The following SNAP29 variants were observed in gnomAD, a reference collection of about 807,000 sequenced individuals.
SNAP29 encodes synaptosomal-associated protein 29.
A neutral mutation model predicts 27.9 loss-of-function variants in SNAP29; 13 were observed. The observed-to-expected ratio is 0.47, with a 90% CI of 0.30 to 0.74. SNAP29 has a LOEUF of 0.74. Ranked by LOEUF, SNAP29 falls within the 30% of genes least tolerant of loss-of-function variation. The pLI, the probability that SNAP29 is intolerant of heterozygous loss-of-function variation, is 0.06. For missense variants in SNAP29, 368 were observed against 336.5 expected (o/e 1.09, Z -0.73); for synonymous variants, 119 against 127.1 (o/e 0.94, Z 0.43).
In SNAP29 at chr22:20,870,453, G is replaced by A. The variant is rs1432466086; in HGVS notation, c.354G>A (p.Gly118=). ...ATAGCATTAAGAGCGTGTTTGGGGGGCTGGTCAATTACTTCAAATCCAAAC... is the reference window on the plus strand; with the variant it reads ...ATAGCATTAAGAGCGTGTTTGGGGGACTGGTCAATTACTTCAAATCCAAAC... ...HINSIKSVFG[G]LVNYFKSKPV... The change falls in exon 2 of 5, where the codon GGG becomes GGA. Residue 118 remains glycine (G), a synonymous_variant. Transcript: ENST00000215730. 3 of 1,614,052 alleles carry A rather than the reference G, an allele frequency of 1.9e-6. No homozygotes were observed. Among genetic ancestry groups the A allele is most frequent in the Admixed American group, 3.3e-5 (2 of 60,000 alleles).
Position 20,888,422 on chromosome 22 carries a change from A to G in SNAP29, c.*586A>G, listed in dbSNP as rs1929076736. ...AAGGATCAGTGTTAGAATGGGAAAT[A>G]GAGTGTGCCATCTTGCTCTTTTGTT... is the stretch of plus-strand genomic sequence containing the variant. On this transcript the variant is annotated 3_prime_UTR_variant, in exon 5 of 5. Transcript: ENST00000215730. The G allele has an allele frequency of 1.2e-5, 2 of 172,476 alleles. No individual in the cohort carries two copies. Among genetic ancestry groups the G allele is most frequent in the Non-Finnish European group, 2.5e-5 (2 of 80,362 alleles). The allele number at this position is 172,476 out of a possible 1,614,324, so 10.7% of individuals were successfully genotyped here.
intron 2 of SNAP29, chr22:20,870,814 G>C (rs1928573132): frequency 2.6e-5 from 13 of 497,210 alleles, no homozygotes; most frequent in Non-Finnish European, 4.4e-5. Context: ...CTGTACAAAT[G>C]TGACTCACTT....
intron 2 of SNAP29, among the ~76,000 whole-genome samples, chr22:20,872,851 A>T (rs1471174612): frequency 3.4e-5 from 1 of 29,526 alleles, no homozygotes; most frequent in Non-Finnish European, 5.8e-5. Context: ...TTTTTTTGAG[A>T]CAGAGTCTCA....
chr22:20,876,653 C>T (rs962917662), intron 2 of SNAP29, among the ~76,000 whole-genome samples: 7 of 151,068 alleles, frequency 4.6e-5, no homozygotes, highest in Non-Finnish European at 8.8e-5. Flanking sequence ...CTGCAAGCTC[C>T]GTCTCCCACG....
chr22:20,890,261 G>T lies in SNAP29; in HGVS notation c.*2425G>T. 2.5e-6 allele frequency: 1 copy of T among 398,370 alleles called. No individual in the cohort carries two copies. The allele number at this position is 398,370 out of a possible 1,614,324, so 24.7% of individuals were successfully genotyped here. ...CCAGAAACTTTTCACATGATGATTGGGATCGACAAAAAAATGCTACCCTCT... is the reference window on the plus strand; with the variant it reads ...CCAGAAACTTTTCACATGATGATTGTGATCGACAAAAAAATGCTACCCTCT... On this transcript the variant is annotated 3_prime_UTR_variant, in exon 5 of 5. Transcript: ENST00000215730.
chr22:20,871,649 G>A (rs1173665590), intron 2 of SNAP29, among the ~76,000 whole-genome samples: 3 of 152,092 alleles, frequency 2.0e-5, no homozygotes, highest in African/African-American at 4.8e-5. Flanking sequence ...TGGGGAGGCC[G>A]AGGCGGGTGG....
intron 1 of SNAP29, among the ~76,000 whole-genome samples, chr22:20,862,852 C>T: frequency 6.6e-6 from 1 of 152,276 alleles, no homozygotes; most frequent in Admixed American, 6.5e-5. Flanking sequence ...CCACCACACC[C>T]AGTGTTCTCC....
chr22:20,887,616 A>G (rs1217355832), intron 4 of SNAP29, 63 bp from the exon 5 acceptor site: 19 of 1,583,670 alleles, frequency 1.2e-5, no homozygotes, highest in East Asian at 2.2e-5. Context: ...CACACCATCA[A>G]GAAGCATTTG....
chr22:20,868,683 G>A (rs1318460284), intron 1 of SNAP29, among the ~76,000 whole-genome samples: 1 of 152,212 alleles, frequency 6.6e-6, no homozygotes, highest in Non-Finnish European at 1.5e-5. Context: ...TTCAGAGGAA[G>A]GCAGCTGAGG....
At chr22:20,886,887 A>G (rs1223449150) in intron 4 of SNAP29, among the ~76,000 whole-genome samples, 1 of 152,014 alleles carries the variant, frequency 6.6e-6, no homozygotes. Flanking sequence ...TGCTGGGATT[A>G]CAGGCATGAG....
chr22:20,884,571 A>G (rs950200784), intron 4 of SNAP29, among the ~76,000 whole-genome samples: 2 of 151,964 alleles, frequency 1.3e-5, no homozygotes, highest in African/African-American at 4.8e-5. Flanking sequence ...TCAGTCTTGC[A>G]TTAGTATGGC....
In SNAP29 at chr22:20,864,979, T is replaced by A. The variant is rs534507747; in HGVS notation, c.238-5358T>A. Among the ~76,000 whole-genome samples the A allele has an allele frequency of 3.3e-5, 5 of 152,334 alleles. 1 individual carries two copies. The East Asian group carries it at 9.6e-4, about 29-fold the overall frequency. ...GGTGGGAGGGAGTCTGGTGGAGAAA[T>A]GGCATTGGACCACATACTCACCGCT... On this transcript the variant is annotated intron_variant, in intron 1 of 4. Transcript: ENST00000215730.
At chr22:20,869,320 GA>G (rs1928531226) in intron 1 of SNAP29, among the ~76,000 whole-genome samples, 1 of 152,170 alleles carries the variant, frequency 6.6e-6, no homozygotes, top group Non-Finnish European at 1.5e-5. Flanking sequence ...CTCCTTTAGG[GA>G]AGATGTCTGG....
At chr22:20,870,619 C>A in intron 2 of SNAP29, 86 bp downstream of exon 2, 1 of 1,241,826 alleles carries the variant, frequency 8.1e-7, no homozygotes, top group Non-Finnish European at 1.2e-6. Flanking sequence ...CACGTCAGTG[C>A]CATGAAGGGA....
intron 1 of SNAP29, among the ~76,000 whole-genome samples, chr22:20,860,116 C>T (rs1236567140): frequency 6.6e-6 from 1 of 151,926 alleles, no homozygotes; most frequent in Non-Finnish European, 1.5e-5. Context: ...CTTTGGGAGG[C>T]CTAGGCGTCG....
intron 2 of SNAP29, among the ~76,000 whole-genome samples, chr22:20,873,902 G>A (rs1928656036): frequency 6.9e-6 from 1 of 144,166 alleles, no homozygotes; most frequent in South Asian, 2.3e-4. Flanking sequence ...GGGAGGCAGA[G>A]GTTGTAGTGA....
chr22:20,884,205 C>T (rs968063966), intron 4 of SNAP29, among the ~76,000 whole-genome samples: 4 of 151,864 alleles, frequency 2.6e-5, no homozygotes, highest in South Asian at 2.1e-4. Flanking sequence ...TGGTGGCAGG[C>T]GCCTGTAATC....
At chr22:20,870,729 T>G in intron 2 of SNAP29, 196 bp downstream of exon 2, 2 of 650,238 alleles carry the variant, frequency 3.1e-6, no homozygotes, top group Non-Finnish European at 5.5e-6. Flanking sequence ...TTGATTGACA[T>G]CTAGTCTGTC....
chr22:20,876,359 G>A (rs1225270498), intron 2 of SNAP29, among the ~76,000 whole-genome samples: 1 of 146,048 alleles, frequency 6.8e-6, no homozygotes. Context: ...CCAGGATCCA[G>A]CAACCCTCCC....
Sources: gnomAD v4.1 joint callset for allele counts (sites outside exome capture counted in the v4.1 genomes callset) on GRCh38, gnomAD v4.1.1 for gene constraint, MANE v1.5 for transcripts, NCBI Gene and HGNC (gene_info 2026-07-23, HGNC 2026-07-21) for gene names.